The following ROBO2 variants were observed in gnomAD, a reference collection of about 807,000 sequenced individuals.
ROBO2 encodes roundabout homolog 2.
Under a neutral mutation model 160.8 loss-of-function variants are expected in ROBO2, and 53 were observed. The observed-to-expected ratio is 0.33, with a 90% CI of 0.26 to 0.41. The LOEUF is 0.41. Ranked by LOEUF, ROBO2 falls within the 10% of genes least tolerant of loss-of-function variation. The pLI, the probability that ROBO2 is intolerant of heterozygous loss-of-function variation, is 1.00. For synonymous variants in ROBO2, 664 were observed against 611.7 expected (o/e 1.09, Z -1.26); for missense variants, 1,577 against 1,722.4 (o/e 0.92, Z 1.49).
In ROBO2 at chr3:76,267,627, T is replaced by C. The variant is rs938029319; in HGVS notation, c.109+330025T>C. On this transcript the variant is annotated intron_variant, in intron 2 of 26. Transcript: ENST00000487694. ...TAATGTTTCTTACAATATGAAATTA[T>C]AGCAAGTGATAAGCTTTGTAAATTA... Among the ~76,000 whole-genome samples the C allele has an allele frequency of 3.3e-5, 5 of 152,306 alleles. No individual in the cohort carries two copies. The East Asian group carries it at 9.6e-4, about 29-fold the overall frequency.
chr3:76,009,193 C>T (rs993405484), intron 2 of ROBO2, among the ~76,000 whole-genome samples: 1 of 152,182 alleles, frequency 6.6e-6, no homozygotes, highest in Non-Finnish European at 1.5e-5. Context: ...AGCTCCGCCT[C>T]CCGGGTTCCC....
At chr3:76,764,380 G>T (rs2597246) in intron 2 of ROBO2, among the ~76,000 whole-genome samples, 126,751 of 151,206 alleles carry the variant, frequency 0.84, 53,215 homozygotes, top group Admixed American at 0.86. Flanking sequence ...ATGCAGTTCT[G>T]ACTACTTTAA....
At chr3:77,372,971 G>A (rs1215084403) in intron 2 of ROBO2, among the ~76,000 whole-genome samples, 2 of 151,328 alleles carry the variant, frequency 1.3e-5, no homozygotes, top group Non-Finnish European at 2.9e-5. Context: ...GTTTACATAT[G>A]GGTGGAGATG....
chr3:77,572,674 T>C (rs1255647091), intron 13 of ROBO2, among the ~76,000 whole-genome samples: 1 of 146,570 alleles, frequency 6.8e-6, no homozygotes, highest in African/African-American at 2.5e-5. Context: ...CACACTCACT[T>C]AATTGAGGGA....
At chr3:76,361,236 C>T (rs1190849879) in intron 2 of ROBO2, among the ~76,000 whole-genome samples, 1 of 152,094 alleles carries the variant, frequency 6.6e-6, no homozygotes, top group Non-Finnish European at 1.5e-5. Context: ...TTGGTCTACT[C>T]AAGCCTCTGG....
intron 2 of ROBO2, among the ~76,000 whole-genome samples, chr3:77,202,240 C>A (rs1300811394): frequency 6.6e-6 from 1 of 152,134 alleles, no homozygotes; most frequent in Non-Finnish European, 1.5e-5. Context: ...ATTTGTTATA[C>A]AAAATGTTGA....
chr3:76,697,586 C>T (rs150925157), intron 2 of ROBO2, among the ~76,000 whole-genome samples: 11 of 152,192 alleles, frequency 7.2e-5, no homozygotes, highest in Non-Finnish European at 1.5e-4. Context: ...TTTCTAGCTG[C>T]AGTGAACCAT....
chr3:77,324,576 G>A (rs1235970789), intron 2 of ROBO2, among the ~76,000 whole-genome samples: 5 of 151,956 alleles, frequency 3.3e-5, no homozygotes, highest in African/African-American at 4.8e-5. Context: ...TCAGGAGATC[G>A]AGACTATCCT....
intron 1 of ROBO2, among the ~76,000 whole-genome samples, chr3:75,920,019 T>C (rs1300259099): frequency 1.3e-5 from 2 of 152,204 alleles, no homozygotes; most frequent in African/African-American, 4.8e-5. Flanking sequence ...TGAAGGTTTT[T>C]TCGTGTTTCT....
At chr3:76,520,064 G>A (rs1293615191) in intron 2 of ROBO2, among the ~76,000 whole-genome samples, 3 of 152,046 alleles carry the variant, frequency 2.0e-5, no homozygotes, top group Admixed American at 1.3e-4. Context: ...TGATTCCACC[G>A]AACCTGGGAG....
intron 2 of ROBO2, among the ~76,000 whole-genome samples, chr3:76,651,629 A>G (rs2109889875): frequency 6.6e-6 from 1 of 152,174 alleles, no homozygotes; most frequent in South Asian, 2.1e-4. Context: ...AAAAAAAAGA[A>G]TTGAAAAATT....
chr3:76,792,390 C>T (rs560163935), intron 2 of ROBO2, among the ~76,000 whole-genome samples: 2 of 151,736 alleles, frequency 1.3e-5, no homozygotes, highest in South Asian at 4.1e-4. Flanking sequence ...TCCTGGGACC[C>T]ATCCCCTGCA....
At chr3:77,634,562 AT>A (rs1369290445) in intron 23 of ROBO2, 1 of 338,970 alleles carries the variant, frequency 3.0e-6, no homozygotes, top group Non-Finnish European at 5.6e-6. Flanking sequence ...TATCAATAAT[AT>A]TGTCAAGGTT....
intron 2 of ROBO2, among the ~76,000 whole-genome samples, chr3:76,349,030 C>G (rs1189279483): frequency 2.6e-5 from 4 of 152,042 alleles, no homozygotes; most frequent in Admixed American, 2.0e-4. Flanking sequence ...AATCAAATTT[C>G]TAGTTCCTAG....
rs555295859 is a variant in ROBO2 at position 77,292,550 on chromosome 3, A to G, written c.389-184864A>G. On this transcript the variant is annotated intron_variant, in intron 2 of 25. Transcript: ENST00000461745. ...GGGTAAGCTGAGGCTAGATCACCCA[A>G]GACATAAAGTAAAATTGATGGTTAA... Among the ~76,000 whole-genome samples, 8 of 152,002 alleles carry G rather than the reference A, an allele frequency of 5.3e-5. No homozygotes were observed. In the South Asian group the frequency reaches 1.7e-3, roughly 32 times the overall value.
chr3:76,597,563 A>T (rs1446443281), intron 2 of ROBO2, among the ~76,000 whole-genome samples: 1 of 152,182 alleles, frequency 6.6e-6, no homozygotes, highest in Non-Finnish European at 1.5e-5. Flanking sequence ...GGTTCACTAC[A>T]CACCTATCAT....
At chr3:77,089,828 T>C (rs2069880319) in intron 1 of ROBO2, among the ~76,000 whole-genome samples, 1 of 152,116 alleles carries the variant, frequency 6.6e-6, no homozygotes, top group African/African-American at 2.4e-5. Context: ...ATAAGCAAAG[T>C]AAGCTGGAAT....
At chr3:77,192,342 C>A (rs2081929845) in intron 2 of ROBO2, among the ~76,000 whole-genome samples, 1 of 152,168 alleles carries the variant, frequency 6.6e-6, no homozygotes, top group Non-Finnish European at 1.5e-5. Context: ...TTCATAAAGT[C>A]CGTGGGTCAT....
intron 2 of ROBO2, among the ~76,000 whole-genome samples, chr3:76,127,064 T>G (rs2108316800): frequency 6.6e-6 from 1 of 152,300 alleles, no homozygotes; most frequent in African/African-American, 2.4e-5. Context: ...TACTATTAGC[T>G]ATCATGAGAG....
Sources: gnomAD v4.1 joint callset for allele counts (sites outside exome capture counted in the v4.1 genomes callset) on GRCh38, gnomAD v4.1.1 for gene constraint, MANE v1.5 for transcripts, NCBI Gene and HGNC (gene_info 2026-07-23, HGNC 2026-07-21) for gene names.